Variants in PRKACB observed in about 807,000 individuals in gnomAD.
PRKACB encodes cAMP-dependent protein kinase catalytic subunit beta.
A neutral mutation model predicts 51.4 loss-of-function variants in PRKACB; 16 were observed. That is an observed-to-expected ratio of 0.31 (90% CI 0.21 to 0.47). The LOEUF (loss-of-function observed/expected upper bound fraction) is 0.47. Among genes scored for constraint, PRKACB ranks in the 20% least tolerant of loss-of-function variants. PRKACB has a pLI of 1.00. For missense variants in PRKACB, 309 were observed against 464.5 expected (o/e 0.67, Z 3.08); for synonymous variants, 147 against 154.4 (o/e 0.95, Z 0.35).
intron 1 of PRKACB, among the ~76,000 whole-genome samples, chr1:84,176,977 T>C (rs1471328636): frequency 1.3e-5 from 2 of 152,026 alleles, no homozygotes; most frequent in Non-Finnish European, 2.9e-5. Flanking sequence ...TGACAAATAC[T>C]GTCAGTCCTT....
Position 84,093,119 on chromosome 1 carries a change from T to G in PRKACB, c.46+14748T>G, listed in dbSNP as rs78272591. On this transcript the variant is annotated intron_variant, in intron 1 of 8. Transcript: ENST00000370688. ...ACAAATAATTTACAAATCATTTCCT[T>G]TATGATTTGTGTTTTGTTTGGCCTT... Among the ~76,000 whole-genome samples, 943 of 152,202 alleles carry G rather than the reference T, an allele frequency of 6.2e-3. 14 individuals carry two copies. Among genetic ancestry groups the G allele is most frequent in the African/African-American group, 0.022 (904 of 41,554 alleles).
chr1:84,084,670 T>C (rs990831604), intron 1 of PRKACB, among the ~76,000 whole-genome samples: 1 of 152,082 alleles, frequency 6.6e-6, no homozygotes, highest in African/African-American at 2.4e-5. Flanking sequence ...ATTGTACTGA[T>C]TGCATGTGGG....
At chr1:84,108,489 A>T (rs1571609831) in intron 1 of PRKACB, among the ~76,000 whole-genome samples, 1 of 152,184 alleles carries the variant, frequency 6.6e-6, no homozygotes, top group South Asian at 2.1e-4. Context: ...CTAAAATAAA[A>T]ATTAAAATAC....
At chr1:84,205,905 C>G (rs1671265792) in intron 8 of PRKACB, among the ~76,000 whole-genome samples, 3 of 151,992 alleles carry the variant, frequency 2.0e-5, no homozygotes, top group Non-Finnish European at 4.4e-5. Flanking sequence ...ATTTATGATT[C>G]CTGCATTAAC....
chr1:84,158,490 A>G (rs1187123171), intron 1 of PRKACB, among the ~76,000 whole-genome samples: 1 of 152,158 alleles, frequency 6.6e-6, no homozygotes, highest in Non-Finnish European at 1.5e-5. Context: ...TGTATTTTCA[A>G]ATCTTTTGCC....
At chr1:84,160,496 CTT>C (rs1428401888) in intron 1 of PRKACB, among the ~76,000 whole-genome samples, 1 of 148,608 alleles carries the variant, frequency 6.7e-6, no homozygotes, top group Non-Finnish European at 1.5e-5. Flanking sequence ...TATCATAAGA[CTT>C]TTGGTTTAAT....
intron 9 of PRKACB, among the ~76,000 whole-genome samples, chr1:84,228,375 T>C (rs941635991): frequency 6.6e-6 from 1 of 152,222 alleles, no homozygotes; most frequent in Non-Finnish European, 1.5e-5. Context: ...ATCAGTCATG[T>C]GAATTTGGTC....
At chr1:84,232,071 T>G (rs1675780268) in intron 9 of PRKACB, among the ~76,000 whole-genome samples, 1 of 152,164 alleles carries the variant, frequency 6.6e-6, no homozygotes, top group Non-Finnish European at 1.5e-5. Flanking sequence ...GCCATAAATT[T>G]CCCTCCACAC....
chr1:84,207,886 G>A (rs1452301194), intron 8 of PRKACB, among the ~76,000 whole-genome samples: 1 of 151,276 alleles, frequency 6.6e-6, no homozygotes, highest in East Asian at 1.9e-4. Context: ...TTACTTTTTT[G>A]AGATGGAATC....
intron 1 of PRKACB, chr1:84,175,689 G>A (rs896424786): frequency 2.1e-5 from 19 of 912,428 alleles, no homozygotes; most frequent in African/African-American, 3.4e-5. Context: ...TAAGAAGTAA[G>A]TTGTGTTTTT....
chr1:84,205,117 C>A, intron 8 of PRKACB: 1 of 981,324 alleles, frequency 1.0e-6, no homozygotes, highest in Non-Finnish European at 1.2e-6. Context: ...TGTTTTTTAA[C>A]TAAAAGTACC....
chr1:84,175,795 G>T, intron 1 of PRKACB: 1 of 1,573,440 alleles, frequency 6.4e-7, no homozygotes, highest in Non-Finnish European at 8.6e-7. Context: ...GGGTGAACAT[G>T]TAGATTCCTT....
intron 1 of PRKACB, among the ~76,000 whole-genome samples, chr1:84,117,469 C>A (rs989020920): frequency 4.6e-5 from 7 of 152,114 alleles, no homozygotes; most frequent in Non-Finnish European, 8.8e-5. Flanking sequence ...ATTACTGATT[C>A]AATCTCTCTG....
chr1:84,188,710 A>T (rs1665906891), intron 5 of PRKACB, among the ~76,000 whole-genome samples: 1 of 152,046 alleles, frequency 6.6e-6, no homozygotes, highest in East Asian at 1.9e-4. Flanking sequence ...AAATAAATCT[A>T]ATTATTTAAT....
At chr1:84,232,454 G>C (rs1675862069) in intron 9 of PRKACB, among the ~76,000 whole-genome samples, 1 of 152,078 alleles carries the variant, frequency 6.6e-6, no homozygotes, top group South Asian at 2.1e-4. Context: ...GTGCAGAGCT[G>C]AGTTCAATTC....
chr1:84,170,386 G>A (rs1659043057), intron 1 of PRKACB, among the ~76,000 whole-genome samples: 1 of 151,638 alleles, frequency 6.6e-6, no homozygotes, highest in African/African-American at 2.4e-5. Context: ...TGGGAACAGG[G>A]GAGGGATGTG....
intron 1 of PRKACB, among the ~76,000 whole-genome samples, chr1:84,115,053 G>A (rs1191702002): frequency 7.9e-5 from 12 of 152,156 alleles, no homozygotes. Context: ...TAGATACTCA[G>A]TAGTGGGATT....
At chr1:84,084,142 A>C (rs902991655) in intron 1 of PRKACB, among the ~76,000 whole-genome samples, 1 of 152,226 alleles carries the variant, frequency 6.6e-6, no homozygotes, top group Non-Finnish European at 1.5e-5. Flanking sequence ...GAGGAGTTGA[A>C]CCATGACTTG....
At chr1:84,204,887 CTCTATTGGTTAAAT>C in intron 8 of PRKACB, 1 of 983,302 alleles carries the variant, frequency 1.0e-6, no homozygotes, top group Non-Finnish European at 1.2e-6. Flanking sequence ...GCCAATCATT[CTCTATTGGTTAAAT>C]TTTATATTCA....
Sources: gnomAD v4.1 joint callset for allele counts (sites outside exome capture counted in the v4.1 genomes callset) on GRCh38, gnomAD v4.1.1 for gene constraint, MANE v1.5 for transcripts, NCBI Gene and HGNC (gene_info 2026-07-23, HGNC 2026-07-21) for gene names.